HIVEP3: variants seen among roughly 807,000 people sequenced by gnomAD.
The protein encoded by HIVEP3 is transcription factor HIVEP3.
A neutral mutation model predicts 152.8 loss-of-function variants in HIVEP3; 49 were observed. That is an observed-to-expected ratio of 0.32 (90% CI 0.26 to 0.41). HIVEP3 has a LOEUF of 0.41. Ranked by LOEUF, HIVEP3 falls within the 10% of genes least tolerant of loss-of-function variation. HIVEP3 has a pLI of 1.00. For missense variants in HIVEP3, 2,790 were observed against 3,103.3 expected (o/e 0.90, Z 2.40); for synonymous variants, 1,269 against 1,289.0 (o/e 0.98, Z 0.33).
intron 1 of HIVEP3, among the ~76,000 whole-genome samples, chr1:41,854,024 C>T (rs1643681200): frequency 6.6e-6 from 1 of 152,130 alleles, no homozygotes; most frequent in Non-Finnish European, 1.5e-5. Context: ...GACGTGGAAA[C>T]CATAGAGCCT....
chr1:41,706,615 G>C (rs1373417433), intron 1 of HIVEP3, among the ~76,000 whole-genome samples: 2 of 152,198 alleles, frequency 1.3e-5, no homozygotes, highest in Non-Finnish European at 2.9e-5. Flanking sequence ...GAGATAACTA[G>C]CTGAATATGC....
intron 1 of HIVEP3, among the ~76,000 whole-genome samples, chr1:41,834,583 C>T (rs1462879443): frequency 1.3e-5 from 2 of 152,282 alleles, no homozygotes; most frequent in African/African-American, 4.8e-5. Flanking sequence ...GGTTCCTCCA[C>T]AAAGCAGTGA....
intron 3 of HIVEP3, among the ~76,000 whole-genome samples, chr1:41,600,209 C>T (rs1256703691): frequency 1.3e-5 from 2 of 152,176 alleles, no homozygotes; most frequent in Admixed American, 1.3e-4. Context: ...AGCAATTCCC[C>T]TTCTGGGTAT....
rs1279145687 is a variant in HIVEP3, at chr1:41,873,287, G to A, written c.-801+45126C>T. On this transcript the variant is annotated intron_variant, in intron 1 of 8. Coordinates refer to ENST00000372583, the MANE Select transcript of HIVEP3 (RefSeq NM_024503.5). The surrounding 1 kb of genome is among the most constrained non-coding windows in gnomAD (Gnocchi z 4.2). ...GGTAGTCCTGATTAACCTGTTGCCA[G>A]CAGAATTTTCTAGGAGAGACAGGAC... Among the ~76,000 whole-genome samples, 1 of 152,200 alleles carries A rather than the reference G, an allele frequency of 6.6e-6. No homozygotes were observed. The highest frequency in any genetic ancestry group is 1.9e-4 in the East Asian group (1 of 5,196).
chr1:41,625,124 T>C lies in HIVEP3; in HGVS notation c.-522+3625A>G, dbSNP rs188919110. On this transcript the variant is annotated intron_variant, in intron 3 of 8. Transcript: ENST00000372583. ...ATTGCAGTGAGCCAAGATCATGCCATTGCACTCCAGCCTGGCTGACAGAGC... is the reference window on the plus strand; with the variant it reads ...ATTGCAGTGAGCCAAGATCATGCCACTGCACTCCAGCCTGGCTGACAGAGC... Among the ~76,000 whole-genome samples, 241 of 128,460 alleles carry C rather than the reference T, an allele frequency of 1.9e-3. 4 individuals are homozygous for C. The highest frequency in any genetic ancestry group is 3.5e-3 in the Admixed American group (35 of 9,896). 84.3% of individuals were successfully genotyped at this position (128,460 alleles called of 152,430 possible). A position where few individuals can be genotyped will look rare whatever the true frequency, so the allele number is the denominator to read the frequency against.
At chr1:41,520,172 ATT>A (rs1166454221) in intron 6 of HIVEP3, among the ~76,000 whole-genome samples, 2 of 152,188 alleles carry the variant, frequency 1.3e-5, no homozygotes, top group Non-Finnish European at 2.9e-5. Flanking sequence ...CATTCCTAGA[ATT>A]AGAAGAAATA....
At chr1:41,601,067 T>C (rs1570068531) in intron 3 of HIVEP3, among the ~76,000 whole-genome samples, 1 of 152,200 alleles carries the variant, frequency 6.6e-6, no homozygotes, top group Admixed American at 6.5e-5. Context: ...AGTCAGCATA[T>C]ATACTGGATT....
At position 41,582,215 on chromosome 1, in the gene HIVEP3, A is replaced by G. The variant is rs1644423020; in HGVS notation, c.2583T>C (p.Thr861=). 1.2e-6 allele frequency: 2 copies of G among 1,613,924 alleles called. No individual in the cohort carries two copies. The highest frequency in any genetic ancestry group is 1.7e-6 in the Non-Finnish European group (2 of 1,179,942). Residue 861 remains threonine (T), a synonymous_variant, in exon 4 of 9, where the codon ACT becomes ACC. Coordinates refer to ENST00000372583, the MANE Select transcript of HIVEP3 (RefSeq NM_024503.5). This position sits in a 1 kb window ranked among gnomAD's most constrained non-coding sequence, Gnocchi z 4.7. ...CTGTGTCCGGCCGGTCAGGCTCCTC[A>G]GTTACTAGGATCTCAGGAACCTGAA... The part of the protein sequence containing the change: ...PNIQVPEILV[T]EEPDRPDTEP...
chr1:41,741,269 C>T (rs1444981356), intron 1 of HIVEP3, among the ~76,000 whole-genome samples: 3 of 152,192 alleles, frequency 2.0e-5, no homozygotes, highest in Non-Finnish European at 2.9e-5. Context: ...CTTCCTCCTC[C>T]GCTTAGCTAG....
In HIVEP3 at chr1:41,854,729, G is replaced by A. The variant is rs1479898958; in HGVS notation, c.-801+63684C>T. Among the ~76,000 whole-genome samples the A allele has an allele frequency of 1.4e-3, 110 of 77,308 alleles. 2 individuals carry two copies. In the East Asian group the frequency reaches 0.015, roughly 11 times the overall value. The allele number at this position is 77,308 out of a possible 152,430, so 50.7% of individuals were successfully genotyped here. ...GTGATATTCCCCTTCCTGTGTCCAC[G>A]TGATCTCATTGTTCAATTCCCACCT... On this transcript the variant is annotated intron_variant, in intron 1 of 8. Coordinates refer to ENST00000372583, the MANE Select transcript of HIVEP3 (RefSeq NM_024503.5).
intron 1 of HIVEP3, among the ~76,000 whole-genome samples, chr1:41,823,227 G>A (rs930668322): frequency 1.8e-4 from 27 of 152,350 alleles, no homozygotes; most frequent in African/African-American, 5.5e-4. Context: ...CTTCTGGCCT[G>A]CAGAACTGTG....
At chr1:41,518,241 C>A (rs2810547) in intron 7 of HIVEP3, among the ~76,000 whole-genome samples, 161 bp downstream of exon 7, 143,965 of 152,044 alleles carry the variant, frequency 0.95, 68,614 homozygotes, top group East Asian at 1. Flanking sequence ...TTGTCTGATA[C>A]TTGGGAGAAC....
chr1:41,946,263 G>A (rs551619555), intron 1 of HIVEP3, among the ~76,000 whole-genome samples: 1 of 152,334 alleles, frequency 6.6e-6, no homozygotes, highest in East Asian at 1.9e-4. Context: ...GGTCCTCTGA[G>A]TCAGAAGCCA....
rs1318866083 is a variant in HIVEP3, at chr1:41,515,521, T to C, written c.5471-1771A>G. On this transcript the variant is annotated intron_variant, in intron 7 of 8. Coordinates refer to ENST00000372583, the MANE Select transcript of HIVEP3 (RefSeq NM_024503.5). ...CCTAGGACTTTGGGAGGGGCCTAAT[T>C]CAACACCTGTTCACCTGGCCCTGCC... 5.3e-5 allele frequency among the ~76,000 whole-genome samples: 8 copies of C among 152,164 alleles called. No homozygotes were observed. In the South Asian group the frequency reaches 1.5e-3, roughly 28 times the overall value.
At chr1:41,954,521 G>A (rs768003624) in intron 1 of HIVEP3, among the ~76,000 whole-genome samples, 4 of 152,378 alleles carry the variant, frequency 2.6e-5, no homozygotes, top group East Asian at 3.9e-4. Flanking sequence ...CCCACCCTGC[G>A]GGGTCTGGCT....
chr1:41,902,932 T>G (rs1644650271), intron 1 of HIVEP3, among the ~76,000 whole-genome samples: 1 of 152,200 alleles, frequency 6.6e-6, no homozygotes, highest in Non-Finnish European at 1.5e-5. Flanking sequence ...GCACAGCTAC[T>G]AAAAGTGAAT....
At chr1:41,897,137 G>A (rs1644542574) in intron 1 of HIVEP3, among the ~76,000 whole-genome samples, 1 of 152,186 alleles carries the variant, frequency 6.6e-6, no homozygotes, top group East Asian at 1.9e-4. Flanking sequence ...CAAATACAAG[G>A]AAAAGTGGGA....
At chr1:42,003,176 A>C (rs997544096) in intron 1 of HIVEP3, among the ~76,000 whole-genome samples, 2 of 151,994 alleles carry the variant, frequency 1.3e-5, no homozygotes, top group African/African-American at 4.8e-5. Context: ...CCCAGGTTCA[A>C]GCGATTCTTC....
At chr1:41,996,455 T>C (rs982040867) in intron 1 of HIVEP3, among the ~76,000 whole-genome samples, 4 of 150,928 alleles carry the variant, frequency 2.7e-5, no homozygotes. Context: ...GCTGGACTCA[T>C]AGAGTCCCAT....
Sources: allele counts gnomAD v4.1 joint callset (sites outside exome capture counted in the v4.1 genomes callset), GRCh38; gene constraint gnomAD v4.1.1; non-coding constraint Gnocchi (gnomAD v3.1); transcripts MANE v1.5; gene names NCBI Gene and HGNC (gene_info 2026-07-23, HGNC 2026-07-21).